The following FAM185A variants were observed in gnomAD, a reference collection of about 807,000 sequenced individuals.
The protein encoded by FAM185A is protein FAM185A.
FAM185A carries 21 observed loss-of-function variants against 45.7 expected under a neutral mutation model. The observed-to-expected ratio is 0.46, with a 90% CI of 0.33 to 0.66. The LOEUF is 0.66. FAM185A is among the 30% of genes least tolerant of loss of function. The pLI is 0.03. For missense variants in FAM185A, 305 were observed against 485.4 expected (o/e 0.63, Z 3.49); for synonymous variants, 117 against 194.0 (o/e 0.60, Z 3.30).
At chr7:102,813,467 G>A (rs114469273), downstream of FAM185A, 420 of 1,614,174 alleles carry the variant, frequency 2.6e-4, 1 homozygote, top group African/African-American at 2.7e-3. Flanking sequence ...CCAAACCAAC[G>A]TGGAGGGTCA....
intron 7 of FAM185A, among the ~76,000 whole-genome samples, chr7:102,803,652 C>G (rs943988125): frequency 9.2e-5 from 14 of 152,000 alleles, no homozygotes; most frequent in African/African-American, 3.4e-4. Flanking sequence ...CACCACTCCT[C>G]TTCAACACAG....
chr7:102,837,922 T>C, the FAM185A span, among the ~76,000 whole-genome samples: 271 of 152,344 alleles, frequency 1.8e-3, no homozygotes, highest in Admixed American at 2.2e-3. Flanking sequence ...TTCTTGAGGG[T>C]AGAATCCATG....
At chr7:102,783,413 C>T (rs1164440478) in intron 6 of FAM185A, among the ~76,000 whole-genome samples, 1 of 151,978 alleles carries the variant, frequency 6.6e-6, no homozygotes, top group South Asian at 2.1e-4. Flanking sequence ...AAGCACTCCT[C>T]AGGAAATGTA....
chr7:102,820,123 T>C, the FAM185A span, among the ~76,000 whole-genome samples: 3 of 152,206 alleles, frequency 2.0e-5, no homozygotes, highest in Admixed American at 2.0e-4. Flanking sequence ...TCTTTCTCCA[T>C]TGCTAGACAA....
chr7:102,831,997 T>C, the FAM185A span, among the ~76,000 whole-genome samples: 2 of 152,198 alleles, frequency 1.3e-5, no homozygotes, highest in Non-Finnish European at 2.9e-5. Context: ...GAAAGTATGA[T>C]TCTATTATTT....
intron 4 of FAM185A, among the ~76,000 whole-genome samples, chr7:102,766,500 T>C (rs1794404200): frequency 6.6e-6 from 1 of 152,240 alleles, no homozygotes; most frequent in South Asian, 2.1e-4. Context: ...ATAACTTTGA[T>C]AGCACTCAAA....
chr7:102,850,021 AAG>A, the FAM185A span, among the ~76,000 whole-genome samples: 1,459 of 151,984 alleles, frequency 9.6e-3, 26 homozygotes, highest in African/African-American at 0.034. Flanking sequence ...AGAAAAAAAA[AAG>A]AAAAATTTAT....
the FAM185A span, among the ~76,000 whole-genome samples, chr7:102,825,265 G>A: frequency 2.6e-5 from 4 of 152,160 alleles, no homozygotes; most frequent in African/African-American, 9.7e-5. Flanking sequence ...GCCCTTAAGA[G>A]GTAATCGGGT....
At chr7:102,823,571 T>TA in the FAM185A span, among the ~76,000 whole-genome samples, 1 of 152,234 alleles carries the variant, frequency 6.6e-6, no homozygotes, top group Non-Finnish European at 1.5e-5. Context: ...GTATACTACT[T>TA]AGAGTATTTC....
At chr7:102,850,712 C>A in the FAM185A span, among the ~76,000 whole-genome samples, 4,131 of 152,194 alleles carry the variant, frequency 0.027, 85 homozygotes, top group Non-Finnish European at 0.036. Flanking sequence ...TAAAGAGTTA[C>A]AATATTTCCA....
the FAM185A span, among the ~76,000 whole-genome samples, chr7:102,848,397 A>T: frequency 2.0e-5 from 2 of 100,592 alleles, no homozygotes; most frequent in African/African-American, 1.2e-4. Context: ...TCTACTAAAA[A>T]TACAAAAAAT....
the FAM185A span, among the ~76,000 whole-genome samples, chr7:102,823,205 A>G: frequency 1.3e-5 from 2 of 152,230 alleles, no homozygotes; most frequent in Non-Finnish European, 2.9e-5. Flanking sequence ...ATGAAATGCT[A>G]TAGAGATGGG....
rs1793688527 is a variant in FAM185A at position 102,755,858 on chromosome 7, T to C, written c.562-1996T>C. 6.1e-6 allele frequency: 4 copies of C among 650,664 alleles called. No individual in the cohort carries two copies. In the Admixed American group the frequency reaches 6.8e-5, roughly 11 times the overall value. The allele number at this position is 650,664 out of a possible 1,614,324, so 40.3% of individuals were successfully genotyped here. A position where few individuals can be genotyped will look rare whatever the true frequency, so the allele number is the denominator to read the frequency against. On this transcript the variant is annotated intron_variant, in intron 2 of 7. Coordinates refer to ENST00000413034, the MANE Select transcript of FAM185A (RefSeq NM_001145268.2). ...AGACCCACTGTCACTGGGACGGCAA[T>C]GTCCTGGGTCCCAAGTCTGTGGCTC...
the FAM185A span, among the ~76,000 whole-genome samples, chr7:102,831,455 T>C: frequency 1.3e-5 from 2 of 151,176 alleles, no homozygotes; most frequent in African/African-American, 4.9e-5. Context: ...AGTTATCTTG[T>C]CCAAAATATG....
At chr7:102,794,035 CAAAAAAAAA>C (rs765672577) in intron 7 of FAM185A, among the ~76,000 whole-genome samples, 1 of 60,608 alleles carries the variant, frequency 1.6e-5, no homozygotes, top group African/African-American at 6.6e-5. Flanking sequence ...GACTCTGTCT[CAAAAAAAAA>C]AAAAAAAAAA....
At chr7:102,831,902 T>C in the FAM185A span, among the ~76,000 whole-genome samples, 1 of 152,230 alleles carries the variant, frequency 6.6e-6, no homozygotes, top group African/African-American at 2.4e-5. Flanking sequence ...CAGTCTACTA[T>C]TATTAATCCA....
chr7:102,846,217 T>C, the FAM185A span, among the ~76,000 whole-genome samples: 5 of 152,208 alleles, frequency 3.3e-5, no homozygotes, highest in African/African-American at 4.8e-5. Context: ...TTATAATGAT[T>C]TCTGTTTTCA....
the FAM185A span, among the ~76,000 whole-genome samples, chr7:102,848,759 C>T: frequency 3.3e-5 from 5 of 151,878 alleles, no homozygotes; most frequent in Non-Finnish European, 5.9e-5. Context: ...TTTGGGAGGC[C>T]AAGGCAGGTG....
In FAM185A at chr7:102,761,394, C is replaced by T; in HGVS notation, c.776C>T (p.Thr259Ile). 1.3e-6 allele frequency: 2 copies of T among 1,527,842 alleles called. No individual in the cohort carries two copies. The highest frequency in any genetic ancestry group is 1.8e-6 in the Non-Finnish European group (2 of 1,138,676). 94.6% of individuals were successfully genotyped at this position (1,527,842 alleles called of 1,614,324 possible). The change falls in exon 4 of 8, where the codon ACA becomes ATA. Residue 259 changes from threonine (T) to isoleucine (I), a missense_variant. Around this residue, in one of 5 missense-constraint regions of FAM185A, gnomAD observed 44 missense variants for 66.8 expected, o/e 0.66. Transcript: ENST00000413034. Reference protein sequence around the residue: ...SFLSSAAGDITLGSVHGNITL... With the variant: ...SFLSSAAGDIILGSVHGNITL... ...CTGTCTTCTGCTGCTGGGGATATTA[C>T]ATTAGGAAGTGTTCATGGTAAGCTG...
Sources: allele counts gnomAD v4.1 joint callset (sites outside exome capture counted in the v4.1 genomes callset), GRCh38; gene constraint gnomAD v4.1.1; regional missense constraint gnomAD v4.1.1; transcripts MANE v1.5; gene names NCBI Gene and HGNC (gene_info 2026-07-23, HGNC 2026-07-21).